DEFB106B: variants seen among roughly 807,000 people sequenced by gnomAD.
DEFB106B encodes the protein defensin beta 106B, also known as beta-defensin 106.
intron 1 of DEFB106B, among the ~76,000 whole-genome samples, chr8:7,484,365 T>C (rs1346766622): frequency 6.8e-6 from 1 of 147,050 alleles, no homozygotes; most frequent in Admixed American, 6.8e-5. Flanking sequence ...TACTAGTGTA[T>C]TATACTAGTA....
intron 1 of DEFB106B, among the ~76,000 whole-genome samples, chr8:7,484,347 A>G (rs1370324926): frequency 6.7e-6 from 1 of 148,584 alleles, no homozygotes; most frequent in Admixed American, 6.7e-5. Flanking sequence ...TATATACACT[A>G]TACTATATAC....
chr8:7,483,810 A>G (rs1811370980), intron 1 of DEFB106B, among the ~76,000 whole-genome samples: 1 of 132,534 alleles, frequency 7.5e-6, no homozygotes, highest in Non-Finnish European at 1.6e-5. Context: ...TTTTTGGTTT[A>G]GTATAGTATC....
intron 1 of DEFB106B, among the ~76,000 whole-genome samples, chr8:7,484,134 A>G (rs1453150397): frequency 7.2e-6 from 1 of 139,084 alleles, no homozygotes; most frequent in Non-Finnish European, 1.5e-5. Context: ...TATACTATAT[A>G]CTAGAGTATT....
At chr8:7,485,425 T>C (rs528866018) in intron 1 of DEFB106B, among the ~76,000 whole-genome samples, 3 of 151,684 alleles carry the variant, frequency 2.0e-5, no homozygotes, top group Admixed American at 2.0e-4. Flanking sequence ...ATGTGAAAAG[T>C]TGAGCATCAT....
At chr8:7,485,361 CAG>C (rs1317797491) in intron 1 of DEFB106B, among the ~76,000 whole-genome samples, 1 of 145,572 alleles carries the variant, frequency 6.9e-6, no homozygotes, top group Non-Finnish European at 1.5e-5. Flanking sequence ...TGTTTTGACA[CAG>C]AATCTACTCT....
At chr8:7,486,168 C>A (rs1258820656) in intron 1 of DEFB106B, among the ~76,000 whole-genome samples, 166 bp downstream of exon 1, 1 of 151,926 alleles carries the variant, frequency 6.6e-6, no homozygotes, top group Non-Finnish European at 1.5e-5. Context: ...CCTGTGACAG[C>A]CCCTCCTAGA....
At position 7,483,817 on chromosome 8, in the gene DEFB106B, T is replaced by C. The variant is rs1231745451; in HGVS notation, c.50-1065A>G. Among the ~76,000 whole-genome samples, 6 of 132,922 alleles carry C rather than the reference T, an allele frequency of 4.5e-5. 1 individual carries two copies. The highest frequency in any genetic ancestry group is 9.5e-5 in the Non-Finnish European group (6 of 63,300). The allele number at this position is 132,922 out of a possible 152,430, so 87.2% of individuals were successfully genotyped here. A position where few individuals can be genotyped will look rare whatever the true frequency, so the allele number is the denominator to read the frequency against. Reference sequence around the variant, plus strand: ...ATAAAATCTTTTTGGTTTAGTATAGTATCATAGTATAGATTAGTATATACT... The same window carrying C: ...ATAAAATCTTTTTGGTTTAGTATAGCATCATAGTATAGATTAGTATATACT... On this transcript the variant is annotated intron_variant, in intron 1 of 1. Transcript: ENST00000335479.
At chr8:7,484,135 C>T (rs1455795666) in intron 1 of DEFB106B, among the ~76,000 whole-genome samples, 5 of 136,586 alleles carry the variant, frequency 3.7e-5, no homozygotes, top group Admixed American at 1.6e-4. Context: ...ATACTATATA[C>T]TAGAGTATTA....
chr8:7,484,853 C>T (rs1316273086), intron 1 of DEFB106B, among the ~76,000 whole-genome samples: 11 of 63,360 alleles, frequency 1.7e-4, no homozygotes, highest in African/African-American at 7.4e-4. Context: ...GCCCGGGGAA[C>T]AGAGTGAGAC....
chr8:7,486,138 CCTT>C (rs1184592316), intron 1 of DEFB106B, among the ~76,000 whole-genome samples, 193 bp downstream of exon 1: 2 of 151,032 alleles, frequency 1.3e-5, no homozygotes, highest in African/African-American at 4.9e-5. Flanking sequence ...TCTTTCCTGG[CCTT>C]CTTTTATTCT....
chr8:7,484,363 T>C (rs568757737), intron 1 of DEFB106B, among the ~76,000 whole-genome samples: 91 of 147,712 alleles, frequency 6.2e-4, no homozygotes, highest in Non-Finnish European at 1.1e-3. Flanking sequence ...TATACTAGTG[T>C]ATTATACTAG....
Position 7,483,433 on chromosome 8 carries a change from ACAGCACGTCTTAT to A in DEFB106B, c.50-694_50-682del, listed in dbSNP as rs1196824113. ...GCAGCCTGCTTCAAGTTAAGGACAG[ACAGCACGTCTTAT>A]CAGGATCAACATTTTAGAGCTGCCC... On this transcript the variant is annotated intron_variant, in intron 1 of 1. Transcript: ENST00000335479. Among the ~76,000 whole-genome samples the A allele has an allele frequency of 4.6e-3, 507 of 109,040 alleles. 50 individuals are homozygous for A. The highest frequency in any genetic ancestry group is 6.8e-3 in the Non-Finnish European group (363 of 53,464). 71.5% of individuals were successfully genotyped at this position (109,040 alleles called of 152,430 possible). A position where few individuals can be genotyped will look rare whatever the true frequency, so the allele number is the denominator to read the frequency against.
At chr8:7,484,300 G>C (rs1236885723) in intron 1 of DEFB106B, among the ~76,000 whole-genome samples, 1 of 142,912 alleles carries the variant, frequency 7.0e-6, no homozygotes, top group Non-Finnish European at 1.5e-5. Context: ...TATTATACTA[G>C]TATATACACT....
At chr8:7,483,058 T>C (rs1811351965) in intron 1 of DEFB106B, among the ~76,000 whole-genome samples, 1 of 114,460 alleles carries the variant, frequency 8.7e-6, no homozygotes, top group Non-Finnish European at 1.8e-5. Context: ...AATTATCAAC[T>C]TGTTCCCATA....
At chr8:7,484,266 A>AT (rs1317532014) in intron 1 of DEFB106B, among the ~76,000 whole-genome samples, 1 of 51,926 alleles carries the variant, frequency 1.9e-5, no homozygotes, top group African/African-American at 1.1e-4. Flanking sequence ...ATACTAGTAT[A>AT]ATACACTATA....
intron 1 of DEFB106B, among the ~76,000 whole-genome samples, chr8:7,484,411 T>A (rs1811408427): frequency 6.8e-6 from 1 of 148,082 alleles, no homozygotes; most frequent in Admixed American, 6.8e-5. Flanking sequence ...ATTATACTAG[T>A]ATATACACTA....
rs1359980928 is a variant in DEFB106B at position 7,484,935 on chromosome 8, T to C, written c.49+1399A>G. ...TATATACTAGTACAATACTATATAGTATATAATACTAGTACAATACCATAC... is the reference window on the plus strand; with the variant it reads ...TATATACTAGTACAATACTATATAGCATATAATACTAGTACAATACCATAC... On this transcript the variant is annotated intron_variant, in intron 1 of 1. Transcript: ENST00000335479. Among the ~76,000 whole-genome samples, 5 of 91,584 alleles carry C rather than the reference T, an allele frequency of 5.5e-5. 1 individual carries two copies. Among genetic ancestry groups the C allele is most frequent in the African/African-American group, 2.2e-4 (5 of 23,112 alleles). 60.1% of individuals were successfully genotyped at this position (91,584 alleles called of 152,430 possible).
chr8:7,485,245 A>G (rs1811449369), intron 1 of DEFB106B, among the ~76,000 whole-genome samples: 1 of 47,078 alleles, frequency 2.1e-5, no homozygotes, highest in Admixed American at 3.4e-4. Context: ...TTATTATATA[A>G]TAAGTATGAG....
At chr8:7,484,256 AT>A (rs1811396115) in intron 1 of DEFB106B, among the ~76,000 whole-genome samples, 1 of 131,216 alleles carries the variant, frequency 7.6e-6, no homozygotes, top group African/African-American at 3.0e-5. Flanking sequence ...CTAGTGTATT[AT>A]ACTAGTATAA....
Sources: allele counts gnomAD v4.1 joint callset (sites outside exome capture counted in the v4.1 genomes callset), GRCh38; gene constraint gnomAD v4.1.1; transcripts MANE v1.5; gene names NCBI Gene and HGNC (gene_info 2026-07-23, HGNC 2026-07-21).